The following WDR59 variants were observed in gnomAD, a reference collection of about 807,000 sequenced individuals.
WDR59 encodes WD repeat domain 59.
WDR59 carries 100 observed loss-of-function variants against 131.2 expected under a neutral mutation model. That is an observed-to-expected ratio of 0.76 (90% CI 0.65 to 0.90). The LOEUF (loss-of-function observed/expected upper bound fraction) is 0.90, where lower values mean the gene tolerates loss of function less well. Among genes scored for constraint, WDR59 ranks in the 40% least tolerant of loss-of-function variants. The probability of loss-of-function intolerance (pLI) is 0.00; values close to 1 mark genes in which losing one functional copy is unlikely to be tolerated. For missense variants in WDR59, 1,203 were observed against 1,262.2 expected (o/e 0.95, Z 0.71); for synonymous variants, 601 against 466.2 (o/e 1.29, Z -3.72).
intron 1 of WDR59, among the ~76,000 whole-genome samples, chr16:74,968,441 C>A (rs1271823673): frequency 1.3e-5 from 2 of 152,196 alleles, no homozygotes; most frequent in Non-Finnish European, 2.9e-5. Context: ...TAAATATGGA[C>A]CGGGTGCAGT....
Position 74,921,936 on chromosome 16 carries a change from C to T in WDR59, c.886+11G>A, listed in dbSNP as rs549021619. On this transcript the variant is annotated intron_variant, in intron 10 of 25. Transcript: ENST00000262144. ...CAGAAGGAAAGTGGGCAGCAGGCCTCTCCCACTCACCTTCCTTCTGCTTCC... is the reference window on the plus strand; with the variant it reads ...CAGAAGGAAAGTGGGCAGCAGGCCTTTCCCACTCACCTTCCTTCTGCTTCC... 9 of 1,612,972 alleles carry T rather than the reference C, an allele frequency of 5.6e-6. No individual in the cohort carries two copies. The Admixed American group carries it at 1.5e-4, about 27-fold the overall frequency.
intron 8 of WDR59, among the ~76,000 whole-genome samples, chr16:74,925,726 G>C (rs1353966718): frequency 6.6e-6 from 1 of 152,054 alleles, no homozygotes; most frequent in African/African-American, 2.4e-5. Flanking sequence ...CTCTGCATAT[G>C]TTATATTTCA....
At chr16:74,926,617 T>C (rs1292909883) in intron 8 of WDR59, among the ~76,000 whole-genome samples, 1 of 152,178 alleles carries the variant, frequency 6.6e-6, no homozygotes, top group Non-Finnish European at 1.5e-5. Flanking sequence ...TTTTAGAGAC[T>C]TAATAAAGTA....
intron 1 of WDR59, among the ~76,000 whole-genome samples, chr16:74,968,014 C>T (rs1039443376): frequency 3.3e-5 from 5 of 151,992 alleles, no homozygotes; most frequent in Non-Finnish European, 5.9e-5. Flanking sequence ...GGATGGAGCT[C>T]GGAAACATGC....
chr16:74,876,368 A>G (rs1484080739), intron 25 of WDR59, among the ~76,000 whole-genome samples: 1 of 152,192 alleles, frequency 6.6e-6, no homozygotes, highest in East Asian at 1.9e-4. Context: ...AAACTCTCAA[A>G]TTTTCATTAC....
intron 3 of WDR59, among the ~76,000 whole-genome samples, chr16:74,952,975 A>C (rs774900778): frequency 1.3e-5 from 2 of 152,072 alleles, no homozygotes; most frequent in Non-Finnish European, 2.9e-5. Flanking sequence ...ATTCCCTGCC[A>C]TTTCTGGAGG....
chr16:74,919,966 G>C (rs558543446), intron 10 of WDR59, among the ~76,000 whole-genome samples: 38 of 152,118 alleles, frequency 2.5e-4, no homozygotes, highest in South Asian at 6.2e-4. Flanking sequence ...AGCTACTCAG[G>C]TGGCTGAGGT....
Position 74,871,915 on chromosome 16 carries a change from T to G in WDR59, c.*2294A>C, listed in dbSNP as rs961968566. On this transcript the variant is annotated 3_prime_UTR_variant, in exon 26 of 26. Transcript: ENST00000262144. ...CCCAGCACTAAACCTCTGGTTCCAC[T>G]GCACAGGATCTCAGTTCTTTCTTAC... 1 of 152,280 alleles carries G rather than the reference T, an allele frequency of 6.6e-6. No homozygotes were observed. 9.4% of individuals were successfully genotyped at this position (152,280 alleles called of 1,614,324 possible). A position where few individuals can be genotyped will look rare whatever the true frequency, so the allele number is the denominator to read the frequency against.
intron 18 of WDR59, among the ~76,000 whole-genome samples, chr16:74,901,898 T>C (rs1965572781): frequency 6.6e-6 from 1 of 152,140 alleles, no homozygotes; most frequent in Non-Finnish European, 1.5e-5. Flanking sequence ...ACGGGATGGA[T>C]GTGAACAAAC....
rs1597800372 is a variant in WDR59, at chr16:74,961,099, A to C, written c.105-4489T>G. On this transcript the variant is annotated intron_variant, in intron 2 of 25. Coordinates refer to ENST00000262144, the MANE Select transcript of WDR59 (RefSeq NM_030581.4). The stretch of plus-strand genomic sequence containing the variant: ...GCAGGAGGATCAACTTGAGCCCAGG[A>C]GTTCAAGATCAGCCTAGGCAACACA... 2.6e-5 allele frequency among the ~76,000 whole-genome samples: 4 copies of C among 151,980 alleles called. No individual in the cohort carries two copies. The South Asian group carries it at 8.3e-4, about 32-fold the overall frequency.
intron 7 of WDR59, among the ~76,000 whole-genome samples, chr16:74,942,190 G>A (rs2032285528): frequency 6.6e-6 from 1 of 152,156 alleles, no homozygotes; most frequent in African/African-American, 2.4e-5. Flanking sequence ...GCTGCAGTAA[G>A]AACGTATGAG....
chr16:74,881,644 G>A (rs1964487890), intron 25 of WDR59, among the ~76,000 whole-genome samples: 1 of 152,040 alleles, frequency 6.6e-6, no homozygotes, highest in Admixed American at 6.5e-5. Context: ...GGAGGCCCAG[G>A]TGGGTGGATC....
intron 8 of WDR59, chr16:74,930,789 C>G (rs1013477033): frequency 1.4e-5 from 2 of 143,700 alleles, no homozygotes; most frequent in Admixed American, 7.3e-5. Flanking sequence ...GCTACTAGGG[C>G]GGCTGAGGCA....
intron 1 of WDR59, among the ~76,000 whole-genome samples, chr16:74,980,327 A>C (rs1287074512): frequency 6.6e-6 from 1 of 151,310 alleles, no homozygotes; most frequent in African/African-American, 2.4e-5. Context: ...CACACTTCAG[A>C]CTGGGGTTTT....
intron 17 of WDR59, 186 bp from the exon 18 acceptor site, chr16:74,904,286 A>G (rs1390674965): frequency 9.6e-6 from 6 of 627,268 alleles, no homozygotes; most frequent in Non-Finnish European, 1.6e-5. Flanking sequence ...GAATGCTTCT[A>G]TGATTACAGA....
rs554339826 is a variant in WDR59 at position 74,974,707 on chromosome 16, T to G, written c.55-8885A>C. Among the ~76,000 whole-genome samples, 4 of 152,240 alleles carry G rather than the reference T, an allele frequency of 2.6e-5. No homozygotes were observed. The East Asian group carries it at 7.7e-4, about 29-fold the overall frequency. ...TACTTTCCTTCTGAAGGTCTGGAAT[T>G]TTGGTACCTGTTAAGGCAGACGGTG... is the stretch of plus-strand genomic sequence containing the variant. On this transcript the variant is annotated intron_variant, in intron 1 of 25. Coordinates refer to ENST00000262144, the MANE Select transcript of WDR59 (RefSeq NM_030581.4).
chr16:74,879,505 A>G (rs1964380349), intron 25 of WDR59, among the ~76,000 whole-genome samples: 1 of 152,232 alleles, frequency 6.6e-6, no homozygotes, highest in African/African-American at 2.4e-5. Flanking sequence ...AGAATCCAAG[A>G]CAATTAGAAC....
rs1964196582 is a variant in WDR59, at chr16:74,876,029, A to G, written c.2690-1585T>C. On this transcript the variant is annotated intron_variant, in intron 25 of 25. Coordinates refer to ENST00000262144, the MANE Select transcript of WDR59 (RefSeq NM_030581.4). The stretch of plus-strand genomic sequence containing the variant: ...CCTGCACCTGCCAGCCTCGTCTCTC[A>G]CTTCCCTTCGTCGTTACACCACGCA... Among the ~76,000 whole-genome samples the G allele has an allele frequency of 4.0e-5, 6 of 151,216 alleles. 1 individual carries two copies. The South Asian group carries it at 1.3e-3, about 32-fold the overall frequency.
chr16:74,912,144 C>T, intron 14 of WDR59, 54 bp downstream of exon 14: 1 of 1,610,812 alleles, frequency 6.2e-7, no homozygotes, highest in Non-Finnish European at 8.5e-7. Context: ...TTTACTAATC[C>T]ATCTAGACAA....
Sources: allele counts gnomAD v4.1 joint callset (sites outside exome capture counted in the v4.1 genomes callset), GRCh38; gene constraint gnomAD v4.1.1; transcripts MANE v1.5; gene names NCBI Gene and HGNC (gene_info 2026-07-23, HGNC 2026-07-21).